PTPRM: variants seen among roughly 807,000 people sequenced by gnomAD.
The protein encoded by PTPRM is receptor-type tyrosine-protein phosphatase mu.
In PTPRM, 47 loss-of-function variants were observed where a neutral mutation model predicts 186.7. The observed-to-expected ratio is 0.25, with a 90% confidence interval of 0.20 to 0.32. PTPRM has a LOEUF of 0.32. Among genes scored for constraint, PTPRM ranks in the 10% least tolerant of loss-of-function variants. PTPRM has a pLI of 1.00. For synonymous variants in PTPRM, 668 were observed against 674.9 expected (o/e 0.99, Z 0.16); for missense variants, 1,494 against 1,865.0 (o/e 0.80, Z 3.66).
intron 11 of PTPRM, among the ~76,000 whole-genome samples, chr18:8,105,576 G>A (rs2091478487): frequency 6.6e-6 from 1 of 152,176 alleles, no homozygotes; most frequent in Non-Finnish European, 1.5e-5. Flanking sequence ...ATGAAAATAT[G>A]CTGCCTAGCC....
At chr18:8,155,585 A>G (rs2093103506) in intron 14 of PTPRM, among the ~76,000 whole-genome samples, 1 of 152,248 alleles carries the variant, frequency 6.6e-6, no homozygotes, top group African/African-American at 2.4e-5. Flanking sequence ...AATATTTGGC[A>G]CCCATTCTAT....
At chr18:7,803,421 G>C (rs1487821512) in intron 2 of PTPRM, among the ~76,000 whole-genome samples, 2 of 152,082 alleles carry the variant, frequency 1.3e-5, no homozygotes, top group African/African-American at 2.4e-5. Context: ...CCACTTGTAA[G>C]GACTCTTGTG....
intron 13 of PTPRM, among the ~76,000 whole-genome samples, chr18:8,125,976 C>CATATATAT (rs1178603481): frequency 5.9e-4 from 35 of 59,664 alleles, no homozygotes; most frequent in East Asian, 8.8e-4. Context: ...TGTGTGTATA[C>CATATATAT]ATATATATAT....
At chr18:7,766,499 A>G (rs1024742116) in intron 1 of PTPRM, among the ~76,000 whole-genome samples, 1 of 152,194 alleles carries the variant, frequency 6.6e-6, no homozygotes, top group African/African-American at 2.4e-5. Flanking sequence ...AGGAGTTACT[A>G]TGGGGCTGCA....
chr18:8,283,780 A>C (rs1417421886), intron 19 of PTPRM, among the ~76,000 whole-genome samples: 1 of 151,398 alleles, frequency 6.6e-6, no homozygotes, highest in Non-Finnish European at 1.5e-5. Flanking sequence ...CACTATACCT[A>C]GCTAATTTTT....
At chr18:8,302,319 G>C (rs1219328984) in intron 20 of PTPRM, among the ~76,000 whole-genome samples, 2 of 152,112 alleles carry the variant, frequency 1.3e-5, no homozygotes, top group African/African-American at 4.8e-5. Flanking sequence ...ACCCTGTCAT[G>C]CCGGGGAGCC....
intron 22 of PTPRM, among the ~76,000 whole-genome samples, chr18:8,334,426 A>G (rs1431934958): frequency 1.3e-5 from 2 of 152,126 alleles, no homozygotes. Context: ...CCTGCCAGCC[A>G]CACGTGGCCG....
At chr18:7,690,499 A>G (rs971940864) in intron 1 of PTPRM, among the ~76,000 whole-genome samples, 2 of 152,148 alleles carry the variant, frequency 1.3e-5, no homozygotes, top group Non-Finnish European at 1.5e-5. Flanking sequence ...TACCTTATAA[A>G]CAGGGACAGT....
In PTPRM at chr18:7,568,759, G is replaced by T. The variant is rs1235025083; in HGVS notation, c.73+868G>T. On this transcript the variant is annotated intron_variant, in intron 1 of 32. Transcript: ENST00000580170. This position sits in a 1 kb window ranked among gnomAD's most constrained non-coding sequence, Gnocchi z 5.1. Reference sequence around the variant, plus strand: ...GCACGCGCGCGCGGGGGCGTTCTAAGCCCAGAGGAACCCCTCACGGAGAGG... The same window carrying T: ...GCACGCGCGCGCGGGGGCGTTCTAATCCCAGAGGAACCCCTCACGGAGAGG... Among the ~76,000 whole-genome samples, 1 of 152,164 alleles carries T rather than the reference G, an allele frequency of 6.6e-6. No individual in the cohort carries two copies. Among genetic ancestry groups the T allele is most frequent in the African/African-American group, 2.4e-5 (1 of 41,470 alleles).
intron 5 of PTPRM, among the ~76,000 whole-genome samples, chr18:7,940,073 C>T (rs2146947941): frequency 6.6e-6 from 1 of 152,260 alleles, no homozygotes; most frequent in East Asian, 1.9e-4. Flanking sequence ...CTGCACCTGA[C>T]TTGCAGCAAA....
At chr18:7,715,300 TCAA>T (rs2040303063) in intron 1 of PTPRM, among the ~76,000 whole-genome samples, 1 of 152,146 alleles carries the variant, frequency 6.6e-6, no homozygotes. Flanking sequence ...TTGACAAAAT[TCAA>T]CACCTCTTCA....
At position 8,322,904 on chromosome 18, in the gene PTPRM, C is replaced by T. The variant is rs147800667; in HGVS notation, c.2956+3690C>T. Among the ~76,000 whole-genome samples, 61 of 152,236 alleles carry T rather than the reference C, an allele frequency of 4.0e-4. 1 individual carries two copies. Among genetic ancestry groups the T allele is most frequent in the Admixed American group, 2.4e-3 (36 of 15,290 alleles). ...GTGGGATCATAGCTTACTGAAGCATCGAACTCCTGGGCTCATGTAATTCTC... is the reference window on the plus strand; with the variant it reads ...GTGGGATCATAGCTTACTGAAGCATTGAACTCCTGGGCTCATGTAATTCTC... On this transcript the variant is annotated intron_variant, in intron 22 of 32. Coordinates refer to ENST00000580170, the MANE Select transcript of PTPRM (RefSeq NM_001105244.2).
intron 19 of PTPRM, among the ~76,000 whole-genome samples, chr18:8,289,355 A>G (rs2065297890): frequency 6.7e-6 from 1 of 150,036 alleles, no homozygotes. Context: ...GCTCAGTCAG[A>G]CATCATGGGG....
At chr18:7,789,820 G>A (rs1484452552) in intron 2 of PTPRM, among the ~76,000 whole-genome samples, 4 of 152,108 alleles carry the variant, frequency 2.6e-5, no homozygotes, top group African/African-American at 9.7e-5. Context: ...GGTTACCCTG[G>A]CACTGAAAAG....
chr18:7,816,783 A>G (rs2044850949), intron 2 of PTPRM, among the ~76,000 whole-genome samples: 1 of 152,168 alleles, frequency 6.6e-6, no homozygotes, highest in African/African-American at 2.4e-5. Flanking sequence ...TCATTACCAT[A>G]AAGTTCTGTT....
At chr18:8,299,287 T>C (rs1316950707) in intron 20 of PTPRM, among the ~76,000 whole-genome samples, 1 of 152,172 alleles carries the variant, frequency 6.6e-6, no homozygotes, top group Non-Finnish European at 1.5e-5. Flanking sequence ...TCAGTAAATA[T>C]TTATTCATCA....
intron 14 of PTPRM, among the ~76,000 whole-genome samples, chr18:8,238,657 T>C (rs1043161169): frequency 8.2e-6 from 1 of 121,710 alleles, no homozygotes; most frequent in Non-Finnish European, 1.8e-5. Context: ...GTGTGTTTTT[T>C]TTTTTTTTTT....
chr18:8,381,528 T>G (rs1024145344), intron 29 of PTPRM, among the ~76,000 whole-genome samples: 8 of 152,228 alleles, frequency 5.3e-5, no homozygotes, highest in African/African-American at 1.7e-4. Flanking sequence ...CACTGCATTA[T>G]ATTGTCAAAG....
chr18:8,350,106 A>G (rs532038365), intron 23 of PTPRM, among the ~76,000 whole-genome samples: 1 of 152,174 alleles, frequency 6.6e-6, no homozygotes, highest in Admixed American at 6.5e-5. Flanking sequence ...CTGAGTCACA[A>G]CCCAGACCAC....
Sources: allele counts gnomAD v4.1 joint callset (sites outside exome capture counted in the v4.1 genomes callset), GRCh38; gene constraint gnomAD v4.1.1; non-coding constraint Gnocchi (gnomAD v3.1); transcripts MANE v1.5; gene names NCBI Gene and HGNC (gene_info 2026-07-23, HGNC 2026-07-21).